The following NELL1 variants were observed in gnomAD, a reference collection of about 807,000 sequenced individuals.
The protein encoded by NELL1 is neural EGFL like 1, also known as protein kinase C-binding protein NELL1.
A neutral mutation model predicts 107.4 loss-of-function variants in NELL1; 76 were observed. The ratio of observed to expected loss-of-function variants is 0.71; its 90% CI spans 0.59 to 0.86. The LOEUF (loss-of-function observed/expected upper bound fraction) is 0.86, where lower values mean the gene tolerates loss of function less well. Among genes scored for constraint, NELL1 ranks in the 40% least tolerant of loss-of-function variants. The probability of loss-of-function intolerance (pLI) is 0.00; values close to 1 mark genes in which losing one functional copy is unlikely to be tolerated. For missense variants in NELL1, 1,024 were observed against 1,005.5 expected, an observed-to-expected ratio of 1.02 and a Z score of -0.25; for synonymous variants, 353 against 341.2, an observed-to-expected ratio of 1.03 and a Z score of -0.38.
At chr11:21,156,042 T>C (rs16907560) in intron 13 of NELL1, among the ~76,000 whole-genome samples, 17 of 151,992 alleles carry the variant, frequency 1.1e-4, no homozygotes, top group African/African-American at 4.1e-4. Flanking sequence ...CCCAATGAGA[T>C]GGAAGTTTGT....
rs531441925 is a variant in NELL1, at chr11:20,929,030, T to C, written c.997+551T>C. Among the ~76,000 whole-genome samples, 15 of 152,342 alleles carry C rather than the reference T, an allele frequency of 9.8e-5. No homozygotes were observed. The South Asian group carries it at 2.9e-3, about 29-fold the overall frequency. On this transcript the variant is annotated intron_variant, in intron 9 of 19. Coordinates refer to ENST00000357134, the MANE Select transcript of NELL1 (RefSeq NM_006157.5). ...CTTTAAATCTACTAGCTTAGTGAAT[T>C]CTCACAGCAACTCTTTAGGGAGGTA...
chr11:21,405,593 T>A (rs1177452398), intron 15 of NELL1, among the ~76,000 whole-genome samples: 1 of 151,966 alleles, frequency 6.6e-6, no homozygotes, highest in African/African-American at 2.4e-5. Flanking sequence ...TCTGTAGCAT[T>A]TTCATTAGCT....
At chr11:21,555,871 T>G (rs1856691946) in intron 16 of NELL1, among the ~76,000 whole-genome samples, 1 of 151,906 alleles carries the variant, frequency 6.6e-6, no homozygotes. Flanking sequence ...ACCTCATTCT[T>G]CATAGTCTGT....
At chr11:21,079,401 A>T (rs149389572) in intron 12 of NELL1, among the ~76,000 whole-genome samples, 56 of 152,190 alleles carry the variant, frequency 3.7e-4, no homozygotes, top group Non-Finnish European at 5.4e-4. Context: ...GAATTACCAC[A>T]TATATCTCAA....
At chr11:21,026,887 C>T (rs1852826494) in intron 12 of NELL1, among the ~76,000 whole-genome samples, 1 of 152,094 alleles carries the variant, frequency 6.6e-6, no homozygotes, top group African/African-American at 2.4e-5. Flanking sequence ...CAAACAATTA[C>T]ATTCTGCTGG....
intron 15 of NELL1, among the ~76,000 whole-genome samples, chr11:21,456,939 T>C (rs1358715416): frequency 6.6e-6 from 1 of 152,156 alleles, no homozygotes; most frequent in Non-Finnish European, 1.5e-5. Flanking sequence ...TATGTTGATT[T>C]CAGAAAGCTG....
intron 13 of NELL1, among the ~76,000 whole-genome samples, chr11:21,124,853 A>C (rs775401704): frequency 4.6e-5 from 7 of 152,040 alleles, no homozygotes; most frequent in Non-Finnish European, 8.8e-5. Flanking sequence ...TGCCTGCCTC[A>C]GCCTCCCAAA....
intron 5 of NELL1, among the ~76,000 whole-genome samples, chr11:20,904,417 A>G (rs1423046734): frequency 6.6e-6 from 1 of 152,180 alleles, no homozygotes; most frequent in Non-Finnish European, 1.5e-5. Flanking sequence ...TACAATTATT[A>G]TGTGTTAATT....
chr11:21,115,374 A>G (rs1341436956), intron 13 of NELL1, among the ~76,000 whole-genome samples: 3 of 139,718 alleles, frequency 2.1e-5, no homozygotes, highest in Middle Eastern at 7.3e-3. Flanking sequence ...ACACACACAC[A>G]CGCTTTTTTG....
chr11:21,179,305 T>G (rs2133821780), intron 13 of NELL1, among the ~76,000 whole-genome samples: 1 of 151,952 alleles, frequency 6.6e-6, no homozygotes, highest in South Asian at 2.1e-4. Context: ...ATTTGGAAGG[T>G]TTTGAAACAC....
intron 13 of NELL1, among the ~76,000 whole-genome samples, chr11:21,171,120 C>G (rs1443131277): frequency 6.6e-6 from 1 of 151,730 alleles, no homozygotes; most frequent in Admixed American, 6.6e-5. Context: ...TCCTAATATT[C>G]TGAAACATCA....
chr11:20,859,918 A>C (rs1419982414), intron 4 of NELL1, among the ~76,000 whole-genome samples: 1 of 152,130 alleles, frequency 6.6e-6, no homozygotes, highest in Non-Finnish European at 1.5e-5. Flanking sequence ...CCTATTCCCT[A>C]CCCACTCCAA....
chr11:21,133,180 G>T (rs530247776), intron 13 of NELL1, among the ~76,000 whole-genome samples: 2 of 152,288 alleles, frequency 1.3e-5, no homozygotes, highest in South Asian at 2.1e-4. Flanking sequence ...TTGATGAAGA[G>T]ACCCAAAGTG....
At chr11:21,568,200 T>C (rs1031357953) in intron 17 of NELL1, among the ~76,000 whole-genome samples, 3 of 151,862 alleles carry the variant, frequency 2.0e-5, no homozygotes, top group Non-Finnish European at 4.4e-5. Flanking sequence ...TTTAGTATTG[T>C]AGGCAATTGT....
chr11:21,494,410 T>G (rs74233045), intron 15 of NELL1, among the ~76,000 whole-genome samples: 12,008 of 151,990 alleles, frequency 0.079, 540 homozygotes, highest in Non-Finnish European at 0.096. Context: ...TTCATCCCCT[T>G]TTGTCACTTA....
intron 8 of NELL1, among the ~76,000 whole-genome samples, chr11:20,927,664 C>T (rs1213047083): frequency 6.6e-6 from 1 of 152,210 alleles, no homozygotes; most frequent in Non-Finnish European, 1.5e-5. Context: ...CTTGCCAACA[C>T]ACCCTAATTT....
chr11:21,345,997 CTGCTTTTGTGCCATATTAGTAAAATG>C (rs1457218996), intron 14 of NELL1, among the ~76,000 whole-genome samples: 4 of 152,280 alleles, frequency 2.6e-5, no homozygotes, highest in African/African-American at 9.6e-5. Context: ...ACATGATAGC[CTGCTTTTGTGCCATATTAGTAAAATG>C]TGTTTCTCTG....
At chr11:21,168,000 T>C (rs977734023) in intron 13 of NELL1, among the ~76,000 whole-genome samples, 2 of 151,830 alleles carry the variant, frequency 1.3e-5, no homozygotes, top group African/African-American at 4.9e-5. Context: ...GCTCATTGAC[T>C]TGCACATTTA....
intron 11 of NELL1, among the ~76,000 whole-genome samples, chr11:20,956,448 T>C (rs945504663): frequency 9.0e-4 from 137 of 151,728 alleles, no homozygotes; most frequent in Non-Finnish European, 1.8e-3. Context: ...AGATTGAGAC[T>C]GTCCTGGCTA....
Sources: gnomAD v4.1 joint callset for allele counts (sites outside exome capture counted in the v4.1 genomes callset) on GRCh38, gnomAD v4.1.1 for gene constraint, MANE v1.5 for transcripts, NCBI Gene and HGNC (gene_info 2026-07-23, HGNC 2026-07-21) for gene names.